The following PLA2R1 variants were observed in gnomAD, a reference collection of about 807,000 sequenced individuals.
PLA2R1 encodes the protein secretory phospholipase A2 receptor.
Under a neutral mutation model 195.9 loss-of-function variants are expected in PLA2R1, and 158 were observed. The observed-to-expected ratio is 0.81, with a 90% CI of 0.71 to 0.92. The LOEUF (loss-of-function observed/expected upper bound fraction) is 0.92, where lower values mean the gene tolerates loss of function less well. Ranked by LOEUF, PLA2R1 falls within the 40% of genes least tolerant of loss-of-function variation. PLA2R1 has a pLI of 0.00. For synonymous variants in PLA2R1, 586 were observed against 598.2 expected (o/e 0.98, Z 0.30); for missense variants, 1,626 against 1,764.6 (o/e 0.92, Z 1.41).
At chr2:160,007,244 T>A (rs1437469314) in intron 10 of PLA2R1, among the ~76,000 whole-genome samples, 2 of 152,266 alleles carry the variant, frequency 1.3e-5, no homozygotes, top group African/African-American at 4.8e-5. Context: ...TAATATACGA[T>A]CTGCTTTTCT....
At chr2:159,955,000 C>T (rs562918072) in intron 23 of PLA2R1, among the ~76,000 whole-genome samples, 199 bp downstream of exon 23, 1 of 152,232 alleles carries the variant, frequency 6.6e-6, no homozygotes, top group South Asian at 2.1e-4. Context: ...CTCGGCAGTC[C>T]TTAGAATCCC....
chr2:159,989,475 C>T (rs547984682), intron 11 of PLA2R1, among the ~76,000 whole-genome samples: 6 of 152,342 alleles, frequency 3.9e-5, no homozygotes, highest in Non-Finnish European at 5.9e-5. Flanking sequence ...ACTCCAGTTA[C>T]TGCACAGCAC....
At chr2:159,949,188 G>A (rs1574649330) in intron 25 of PLA2R1, among the ~76,000 whole-genome samples, 1 of 151,596 alleles carries the variant, frequency 6.6e-6, no homozygotes, top group Non-Finnish European at 1.5e-5. Flanking sequence ...CCTCCCTTAC[G>A]CCTAACCTGC....
chr2:160,016,778 T>C (rs1692801713), intron 8 of PLA2R1, 66 bp from the exon 9 acceptor site: 3 of 697,046 alleles, frequency 4.3e-6, no homozygotes, highest in Non-Finnish European at 7.5e-6. Flanking sequence ...CAATAGCAAT[T>C]CTTATAAAAA....
intron 3 of PLA2R1, among the ~76,000 whole-genome samples, chr2:160,041,425 T>G (rs1694512409): frequency 6.6e-6 from 1 of 152,158 alleles, no homozygotes; most frequent in Non-Finnish European, 1.5e-5. Flanking sequence ...AGTTAGAACA[T>G]TGCCACTGCC....
intron 5 of PLA2R1, 96 bp from the exon 6 acceptor site, chr2:160,028,457 T>C (rs1048358425): frequency 2.9e-5 from 24 of 830,366 alleles, no homozygotes; most frequent in Admixed American, 9.5e-5. Context: ...ACAGCGTTTC[T>C]ATTTGTCATA....
At chr2:160,001,125 T>TACA (rs1691565093) in intron 11 of PLA2R1, among the ~76,000 whole-genome samples, 1 of 152,044 alleles carries the variant, frequency 6.6e-6, no homozygotes, top group Non-Finnish European at 1.5e-5. Context: ...TAAACAAATA[T>TACA]TCATTGCAAA....
chr2:160,046,849 CT>C (rs756728340), intron 1 of PLA2R1, among the ~76,000 whole-genome samples: 1 of 152,188 alleles, frequency 6.6e-6, no homozygotes, highest in Non-Finnish European at 1.5e-5. Context: ...AAATCCACCT[CT>C]CGTCAATGTG....
chr2:160,058,738 A>G (rs1185259491), intron 1 of PLA2R1, among the ~76,000 whole-genome samples: 2 of 151,896 alleles, frequency 1.3e-5, no homozygotes, highest in Non-Finnish European at 1.5e-5. Context: ...AAAACAAACT[A>G]AAATCAGGCT....
Position 159,976,056 on chromosome 2 carries a change from A to C in PLA2R1, c.2595+12T>G, listed in dbSNP as rs759828044. On this transcript the variant is annotated intron_variant, in intron 17 of 29. Transcript: ENST00000283243. ...AACTCTGAATTTTTCGTGGTGAGTT[A>C]TGTTCAAGTACCGCTTTTATTTTGC... 1.2e-6 allele frequency: 2 copies of C among 1,603,846 alleles called. No individual in the cohort carries two copies. Among genetic ancestry groups the C allele is most frequent in the South Asian group, 2.2e-5 (2 of 90,330 alleles).
intron 20 of PLA2R1, among the ~76,000 whole-genome samples, chr2:159,962,880 T>C (rs138546474): frequency 0.028 from 4,272 of 152,136 alleles, 92 homozygotes; most frequent in Non-Finnish European, 0.046. Context: ...CCAGGGCCTG[T>C]TGGGGACTGG....
At chr2:160,052,719 CA>C (rs1695287188) in intron 1 of PLA2R1, among the ~76,000 whole-genome samples, 1 of 152,018 alleles carries the variant, frequency 6.6e-6, no homozygotes, top group Non-Finnish European at 1.5e-5. Context: ...TATTAAAGCC[CA>C]GGGGGAAATG....
rs1687624825 is a variant in PLA2R1, at chr2:159,949,795, C to A, written c.3541-19G>T. 1.9e-6 allele frequency: 3 copies of A among 1,605,892 alleles called. No homozygotes were observed. The highest frequency in any genetic ancestry group is 2.6e-6 in the Non-Finnish European group (3 of 1,173,186). On this transcript the variant is annotated intron_variant, in intron 24 of 29. Transcript: ENST00000283243. ...GACCATTCTGTGGAGGAAAACTGAG[C>A]CATCATTTCCTTGCCACGACGGCTG... is the stretch of plus-strand genomic sequence containing the variant.
intron 6 of PLA2R1, among the ~76,000 whole-genome samples, chr2:160,025,956 G>A (rs1487337663): frequency 6.6e-6 from 1 of 152,160 alleles, no homozygotes; most frequent in African/African-American, 2.4e-5. Context: ...ACAGCATGAG[G>A]ACTATAGTTA....
chr2:159,952,646 A>G (rs1687817673), intron 23 of PLA2R1, among the ~76,000 whole-genome samples: 1 of 152,044 alleles, frequency 6.6e-6, no homozygotes, highest in Admixed American at 6.6e-5. Flanking sequence ...ACCTTTCTAA[A>G]CCTCAAATTT....
Position 160,044,893 on chromosome 2 carries a change from G to A in PLA2R1, c.374C>T (p.Pro125Leu), listed in dbSNP as rs144592530. The change falls in exon 2 of 30, where the codon CCG becomes CTG. Residue 125 changes from proline to leucine, a missense_variant. Transcript: ENST00000283243. ...WRCNRKMITG[P>L]LQYSVQVAHD... ...CGCCACCTGGACAGAGTACTGCAGC[G>A]GGCCTGTGATCATCTTCCTGTTACA... 9 of 1,614,016 alleles carry A rather than the reference G, an allele frequency of 5.6e-6. No homozygotes were observed. The highest frequency in any genetic ancestry group is 2.2e-5 in the East Asian group (1 of 44,906).
chr2:159,979,035 G>A (rs1452744313), intron 14 of PLA2R1, among the ~76,000 whole-genome samples: 1 of 152,190 alleles, frequency 6.6e-6, no homozygotes, highest in East Asian at 1.9e-4. Flanking sequence ...GATCATGTAG[G>A]AGTGCATTCA....
intron 25 of PLA2R1, among the ~76,000 whole-genome samples, chr2:159,948,185 T>C (rs1687503629): frequency 6.6e-6 from 1 of 152,202 alleles, no homozygotes; most frequent in Admixed American, 6.5e-5. Flanking sequence ...TTGGTTTCTT[T>C]ATCTATAAAA....
rs542311736 is a variant in PLA2R1, at chr2:159,975,974, G to A, written c.2595+94C>T. ...TTTACTGAAGTTTAAATAAATATCC[G>A]AAGTCAAATCGAAAAAACTATCCCT... On this transcript the variant is annotated intron_variant, in intron 17 of 29. Coordinates refer to ENST00000283243, the MANE Select transcript of PLA2R1 (RefSeq NM_007366.5). 46 of 891,462 alleles carry A rather than the reference G, an allele frequency of 5.2e-5. 1 individual carries two copies. The highest frequency in any genetic ancestry group is 4.4e-4 in the South Asian group (30 of 67,840). The allele number at this position is 891,462 out of a possible 1,614,324, so 55.2% of individuals were successfully genotyped here.
Sources: allele counts gnomAD v4.1 joint callset (sites outside exome capture counted in the v4.1 genomes callset), GRCh38; gene constraint gnomAD v4.1.1; transcripts MANE v1.5; gene names NCBI Gene and HGNC (gene_info 2026-07-23, HGNC 2026-07-21).